Variants in ICA1 observed in about 807,000 individuals in gnomAD.
The protein encoded by ICA1 is islet cell autoantigen 1.
In ICA1, 40 loss-of-function variants were observed where a neutral mutation model predicts 71.0. The observed-to-expected ratio is 0.56, with a 90% CI of 0.44 to 0.73. The LOEUF (loss-of-function observed/expected upper bound fraction) is 0.73, where lower values mean the gene tolerates loss of function less well. Ranked by LOEUF, ICA1 falls within the 30% of genes least tolerant of loss-of-function variation. ICA1 has a pLI of 0.00. For synonymous variants in ICA1, 207 were observed against 209.5 expected (o/e 0.99, Z 0.10); for missense variants, 578 against 576.5 (o/e 1.00, Z -0.03).
intron 12 of ICA1, among the ~76,000 whole-genome samples, chr7:8,133,195 G>A (rs370137209): frequency 2.0e-5 from 3 of 152,110 alleles, no homozygotes; most frequent in South Asian, 2.1e-4. Context: ...GCCCTAAGCC[G>A]CCTTAGGACT....
intron 5 of ICA1, among the ~76,000 whole-genome samples, chr7:8,219,462 G>C (rs115548796): frequency 6.6e-6 from 1 of 152,224 alleles, no homozygotes; most frequent in East Asian, 1.9e-4. Flanking sequence ...CCTTACGTGC[G>C]TGTAGCACGG....
chr7:8,261,396 T>C lies in ICA1; in HGVS notation c.-80+698A>G, dbSNP rs141490258. On this transcript the variant is annotated intron_variant, in intron 1 of 13. Coordinates refer to ENST00000402384, the MANE Select transcript of ICA1 (RefSeq NM_001136020.3). ...TTTCTAGAGGAAGCAGGAGCTGCAA[T>C]AGCCCCGGAGCAGGAAAGGCGGAGT... Among the ~76,000 whole-genome samples the C allele has an allele frequency of 8.8e-4, 134 of 152,190 alleles. 1 individual carries two copies. The highest frequency in any genetic ancestry group is 3.1e-3 in the African/African-American group (127 of 41,514).
intron 1 of ICA1, among the ~76,000 whole-genome samples, chr7:8,259,971 T>G (rs1372903330): frequency 6.6e-6 from 1 of 152,044 alleles, no homozygotes; most frequent in Non-Finnish European, 1.5e-5. Context: ...TATTAATGGT[T>G]CCCATAAATC....
chr7:8,152,779 TCACCATCACCATCACCTC>T (rs1799719589), intron 8 of ICA1, among the ~76,000 whole-genome samples: 2 of 54,640 alleles, frequency 3.7e-5, no homozygotes, highest in South Asian at 6.4e-4. Context: ...CCCACCACTA[TCACCATCACCATCACCTC>T]CACCACCACC....
At chr7:8,221,551 A>AC (rs1797082644) in intron 4 of ICA1, among the ~76,000 whole-genome samples, 153 bp from the exon 5 acceptor site, 1 of 152,010 alleles carries the variant, frequency 6.6e-6, no homozygotes, top group Admixed American at 6.6e-5. Context: ...AGCTCCCCCT[A>AC]CCCCCCATTT....
chr7:8,176,444 C>T (rs961840489), intron 6 of ICA1, among the ~76,000 whole-genome samples: 3 of 152,200 alleles, frequency 2.0e-5, no homozygotes, highest in Non-Finnish European at 4.4e-5. Flanking sequence ...TTTGCAGACG[C>T]CCTTATGAGA....
At chr7:8,251,952 T>A (rs1195660876) in intron 1 of ICA1, among the ~76,000 whole-genome samples, 1 of 152,142 alleles carries the variant, frequency 6.6e-6, no homozygotes, top group Non-Finnish European at 1.5e-5. Context: ...GTGAATTTTG[T>A]GCTACACCAA....
intron 1 of ICA1, among the ~76,000 whole-genome samples, chr7:8,261,835 G>A (rs888810155): frequency 5.3e-5 from 8 of 152,176 alleles, no homozygotes; most frequent in Admixed American, 1.3e-4. Context: ...CTCCCCCGGG[G>A]CTGACGCACG....
At chr7:8,249,179 G>C (rs1217994596) in intron 1 of ICA1, among the ~76,000 whole-genome samples, 2 of 152,280 alleles carry the variant, frequency 1.3e-5, no homozygotes, top group African/African-American at 2.4e-5. Context: ...GCCAGGGTTT[G>C]AGGGGCACAG....
chr7:8,167,704 G>A (rs911171304), intron 6 of ICA1, among the ~76,000 whole-genome samples: 12 of 152,112 alleles, frequency 7.9e-5, no homozygotes, highest in African/African-American at 2.9e-4. Flanking sequence ...GTTTAAATGG[G>A]GGGTGGCAAG....
intron 6 of ICA1, among the ~76,000 whole-genome samples, chr7:8,212,193 C>T (rs1338891308): frequency 3.3e-5 from 5 of 152,106 alleles, no homozygotes; most frequent in Non-Finnish European, 7.4e-5. Flanking sequence ...CCCAGGAAAA[C>T]ACCACATTGA....
intron 6 of ICA1, among the ~76,000 whole-genome samples, chr7:8,210,277 A>G (rs2128374315): frequency 6.6e-6 from 1 of 152,326 alleles, no homozygotes; most frequent in East Asian, 1.9e-4. Context: ...AGACTGAATA[A>G]TGGTAGCAGC....
At chr7:8,206,668 T>C (rs1327939412) in intron 6 of ICA1, among the ~76,000 whole-genome samples, 1 of 148,976 alleles carries the variant, frequency 6.7e-6, no homozygotes, top group African/African-American at 2.5e-5. Context: ...CCAACTTGCT[T>C]CCAGGCCCTG....
chr7:8,139,799 G>A (rs1030381169), intron 10 of ICA1, among the ~76,000 whole-genome samples: 7 of 152,300 alleles, frequency 4.6e-5, no homozygotes, highest in African/African-American at 1.7e-4. Context: ...TCTGTACATT[G>A]AGCCTAACTT....
intron 1 of ICA1, among the ~76,000 whole-genome samples, chr7:8,247,413 T>G (rs1583792168): frequency 6.6e-6 from 1 of 152,020 alleles, no homozygotes; most frequent in African/African-American, 2.4e-5. Flanking sequence ...AGAGCCATGA[T>G]GGAGCCACTG....
At chr7:8,140,339 C>G (rs1483389315) in intron 10 of ICA1, among the ~76,000 whole-genome samples, 1 of 152,210 alleles carries the variant, frequency 6.6e-6, no homozygotes, top group Non-Finnish European at 1.5e-5. Context: ...TGCTCTGGAG[C>G]ATGGTTTCTC....
chr7:8,117,140 C>G (rs1785061001), intron 13 of ICA1, among the ~76,000 whole-genome samples: 1 of 152,212 alleles, frequency 6.6e-6, no homozygotes, highest in Admixed American at 6.5e-5. Context: ...GAAGAACATA[C>G]TTTGCTTCCC....
intron 6 of ICA1, among the ~76,000 whole-genome samples, chr7:8,161,191 T>G (rs1277536466): frequency 6.6e-6 from 1 of 152,162 alleles, no homozygotes; most frequent in Non-Finnish European, 1.5e-5. Flanking sequence ...AGGAATGAGG[T>G]ACATAACAGG....
At chr7:8,194,297 A>G (rs1786678339) in intron 6 of ICA1, among the ~76,000 whole-genome samples, 1 of 152,224 alleles carries the variant, frequency 6.6e-6, no homozygotes, top group Non-Finnish European at 1.5e-5. Context: ...AATGTAATAA[A>G]TGTTAATATC....
Sources: gnomAD v4.1 joint callset for allele counts (sites outside exome capture counted in the v4.1 genomes callset) on GRCh38, gnomAD v4.1.1 for gene constraint, MANE v1.5 for transcripts, NCBI Gene and HGNC (gene_info 2026-07-23, HGNC 2026-07-21) for gene names.